Variants in CHST9 observed in about 807,000 individuals in gnomAD.
CHST9 encodes the protein GalNAc-4-sulfotransferase 2.
A neutral mutation model predicts 44.4 loss-of-function variants in CHST9; 41 were observed. That is an observed-to-expected ratio of 0.92 (90% CI 0.72 to 1.20). CHST9 has a LOEUF of 1.20. CHST9 is among the 50% of genes most tolerant of loss of function. The probability of loss-of-function intolerance (pLI) is 0.00; values close to 1 mark genes in which losing one functional copy is unlikely to be tolerated. For synonymous variants in CHST9, 171 were observed against 178.4 expected, an observed-to-expected ratio of 0.96 and a Z score of 0.33; for missense variants, 504 against 516.5, an observed-to-expected ratio of 0.98 and a Z score of 0.23.
At chr18:27,029,973 T>C (rs1214781219) in intron 3 of CHST9, among the ~76,000 whole-genome samples, 1 of 152,214 alleles carries the variant, frequency 6.6e-6, no homozygotes, top group African/African-American at 2.4e-5. Flanking sequence ...CCTAGTCCCC[T>C]AGAAAGGATT....
intron 1 of CHST9, among the ~76,000 whole-genome samples, chr18:27,159,483 C>T (rs560888159): frequency 6.8e-4 from 103 of 152,248 alleles, no homozygotes; most frequent in African/African-American, 2.4e-3. Context: ...TGTTTTGGTA[C>T]CAGTACCATG....
chr18:27,115,381 A>C (rs2058310866), intron 2 of CHST9, among the ~76,000 whole-genome samples: 2 of 152,336 alleles, frequency 1.3e-5, no homozygotes, highest in South Asian at 4.1e-4. Context: ...AGACCTAAGA[A>C]TGGAATAGCT....
At chr18:27,156,125 A>C (rs2058696863) in intron 1 of CHST9, among the ~76,000 whole-genome samples, 1 of 151,488 alleles carries the variant, frequency 6.6e-6, no homozygotes, top group Non-Finnish European at 1.5e-5. Flanking sequence ...GGATTTAAGG[A>C]ACAGTAGGAA....
chr18:26,938,866 G>T (rs1461109984), intron 5 of CHST9, among the ~76,000 whole-genome samples: 1 of 152,180 alleles, frequency 6.6e-6, no homozygotes, highest in Non-Finnish European at 1.5e-5. Flanking sequence ...GGGAGGGGAA[G>T]GAAGGATACC....
chr18:27,160,986 T>C (rs574891622), intron 1 of CHST9, among the ~76,000 whole-genome samples: 2 of 152,202 alleles, frequency 1.3e-5, no homozygotes, highest in African/African-American at 4.8e-5. Flanking sequence ...TTGCGTCTAT[T>C]GGATTCTTCT....
chr18:27,055,350 A>T (rs1210801924), intron 2 of CHST9, among the ~76,000 whole-genome samples: 1 of 152,212 alleles, frequency 6.6e-6, no homozygotes, highest in East Asian at 1.9e-4. Flanking sequence ...ATATTTTTGG[A>T]TAATGAGAAT....
In CHST9 at chr18:26,961,460, G is replaced by T. The variant is rs1249790935; in HGVS notation, c.203-17094C>A. ...TTTTTTTGCCCTTGTGACAGCAACT[G>T]GCTCCATTGCCCAGGCTGGAGTGCA... On this transcript the variant is annotated intron_variant, in intron 4 of 5. Coordinates refer to ENST00000618847, the MANE Select transcript of CHST9 (RefSeq NM_031422.6). Among the ~76,000 whole-genome samples, 23 of 151,032 alleles carry T rather than the reference G, an allele frequency of 1.5e-4. 1 individual carries two copies. Among genetic ancestry groups the T allele is most frequent in the Non-Finnish European group, 2.9e-5 (2 of 67,836 alleles).
intron 5 of CHST9, among the ~76,000 whole-genome samples, chr18:26,937,564 G>A (rs1206654281): frequency 6.6e-6 from 1 of 152,166 alleles, no homozygotes; most frequent in East Asian, 1.9e-4. Flanking sequence ...TGCCATTAAG[G>A]AAAGATATTT....
intron 2 of CHST9, among the ~76,000 whole-genome samples, chr18:27,123,823 G>A (rs964231745): frequency 1.3e-5 from 2 of 152,090 alleles, no homozygotes; most frequent in African/African-American, 4.8e-5. Context: ...GCAAACCTGG[G>A]ACCTCCATCT....
At chr18:27,000,896 C>CTT (rs2056944413) in intron 4 of CHST9, among the ~76,000 whole-genome samples, 1 of 152,102 alleles carries the variant, frequency 6.6e-6, no homozygotes, top group Non-Finnish European at 1.5e-5. Flanking sequence ...AAGATTCACC[C>CTT]CCCCATCTCT....
intron 4 of CHST9, among the ~76,000 whole-genome samples, chr18:26,966,364 T>G (rs2056464593): frequency 6.6e-6 from 1 of 152,200 alleles, no homozygotes; most frequent in South Asian, 2.1e-4. Context: ...GCCTTAAAAA[T>G]ATGTTATTGG....
intron 2 of CHST9, among the ~76,000 whole-genome samples, chr18:27,118,893 G>A (rs1338513247): frequency 6.6e-6 from 1 of 151,868 alleles, no homozygotes; most frequent in Non-Finnish European, 1.5e-5. Flanking sequence ...TAATTATATG[G>A]TTTTCAAAAA....
At chr18:27,183,474 A>G (rs1316493277) in intron 1 of CHST9, among the ~76,000 whole-genome samples, 1 of 152,188 alleles carries the variant, frequency 6.6e-6, no homozygotes, top group Non-Finnish European at 1.5e-5. Flanking sequence ...GTTAGTACAT[A>G]CCAACATCTA....
At chr18:27,134,900 C>T (rs34481937) in intron 2 of CHST9, among the ~76,000 whole-genome samples, 2 of 151,904 alleles carry the variant, frequency 1.3e-5, no homozygotes, top group Non-Finnish European at 2.9e-5. Context: ...TTTCTGAGTT[C>T]TGGGGAGATA....
intron 4 of CHST9, among the ~76,000 whole-genome samples, chr18:26,945,463 T>C (rs138320626): frequency 9.5e-4 from 145 of 152,350 alleles, no homozygotes; most frequent in African/African-American, 3.2e-3. Flanking sequence ...CTAGTCTGTT[T>C]TCCATTTCTG....
At chr18:27,050,070 T>G (rs1468206967) in intron 2 of CHST9, among the ~76,000 whole-genome samples, 1 of 152,064 alleles carries the variant, frequency 6.6e-6, no homozygotes, top group Non-Finnish European at 1.5e-5. Flanking sequence ...TGATTGTTGC[T>G]AGATTGTGAG....
intron 2 of CHST9, among the ~76,000 whole-genome samples, chr18:27,107,879 G>T (rs72884328): frequency 6.6e-6 from 1 of 152,150 alleles, no homozygotes; most frequent in African/African-American, 2.4e-5. Context: ...GGACAACAAT[G>T]AAGCGGATCT....
chr18:26,924,275 G>C lies in CHST9; in HGVS notation c.241-6925C>G, dbSNP rs117491751. Among the ~76,000 whole-genome samples, 560 of 152,234 alleles carry C rather than the reference G, an allele frequency of 3.7e-3. 2 individuals are homozygous for C. Among genetic ancestry groups the C allele is most frequent in the Non-Finnish European group, 6.1e-3 (414 of 68,014 alleles). On this transcript the variant is annotated intron_variant, in intron 5 of 5. Coordinates refer to ENST00000618847, the MANE Select transcript of CHST9 (RefSeq NM_031422.6). ...AAACTGCTCAGATTCGAAGCATAAG[G>C]GTGACAGAAGTGTAAAGAATGGCTC...
intron 4 of CHST9, among the ~76,000 whole-genome samples, chr18:26,950,396 A>G (rs1256612874): frequency 6.6e-6 from 1 of 152,240 alleles, no homozygotes; most frequent in East Asian, 1.9e-4. Flanking sequence ...GCAAACTTTC[A>G]TTATATAAAA....
Sources: allele counts gnomAD v4.1 joint callset (sites outside exome capture counted in the v4.1 genomes callset), GRCh38; gene constraint gnomAD v4.1.1; transcripts MANE v1.5; gene names NCBI Gene and HGNC (gene_info 2026-07-23, HGNC 2026-07-21).